Variants in NTHL1 observed in about 807,000 individuals in gnomAD.
NTHL1 encodes endonuclease III-like protein 1.
NTHL1 carries 32 observed loss-of-function variants against 32.3 expected under a neutral mutation model. The observed-to-expected ratio is 0.99, with a 90% CI of 0.75 to 1.33. The LOEUF is 1.33. Among genes scored for constraint, NTHL1 ranks in the 40% most tolerant of loss-of-function variants. The probability of loss-of-function intolerance (pLI) is 0.00; values close to 1 mark genes in which losing one functional copy is unlikely to be tolerated. For synonymous variants in NTHL1, 188 were observed against 176.9 expected (o/e 1.06, Z -0.50); for missense variants, 501 against 414.1 (o/e 1.21, Z -1.82).
At position 2,044,646 on chromosome 16, in the gene NTHL1, G is replaced by A. The variant is rs2084316397; in HGVS notation, c.509C>T (p.Pro170Leu). 1 of 1,606,660 alleles carries A rather than the reference G, an allele frequency of 6.2e-7. No homozygotes were observed. Among genetic ancestry groups the A allele is most frequent in the African/African-American group, 1.3e-5 (1 of 75,052 alleles). Reference sequence around the variant, plus strand: ...AGGGCTCACCCTCCAGAAACCGACGGGGTAGATGAGCTTGCCCAGCGTGGC... The same window carrying A: ...AGGGCTCACCCTCCAGAAACCGACGAGGTAGATGAGCTTGCCCAGCGTGGC... ...DDATLGKLIY[P>L]VGFWRSKVKY... Residue 170 changes from proline to leucine, a missense_variant, in exon 3 of 6, where the codon CCC (proline) becomes CTC (leucine). Physicochemically the swap from Pro to Leu is moderately conservative, Grantham distance 98. Coordinates refer to ENST00000651570, the MANE Select transcript of NTHL1 (RefSeq NM_002528.7). The surrounding 1 kb of genome is among the most constrained non-coding windows in gnomAD (Gnocchi z 5.0).
Position 2,040,203 on chromosome 16 carries a change from G to C in NTHL1, c.721C>G (p.Leu241Val). ...DTHVHRIANR[L>V]RWTKKATKSP... The stretch of plus-strand genomic sequence containing the variant: ...TTGGTTGCCTTCTTGGTCCACCTCA[G>C]CCTGTTGGCGATTCTGTGCACATGC... The change falls in exon 5 of 6, where the codon CTG (leucine) becomes GTG (valine). Residue 241 changes from leucine to valine, a missense_variant. Coordinates refer to ENST00000651570, the MANE Select transcript of NTHL1 (RefSeq NM_002528.7). 6.2e-7 allele frequency: 1 copy of C among 1,613,920 alleles called. No individual in the cohort carries two copies. The highest frequency in any genetic ancestry group is 8.5e-7 in the Non-Finnish European group (1 of 1,180,030).
intron 1 of NTHL1, 86 bp from the exon 2 acceptor site, chr16:2,046,452 C>T: frequency 1.6e-6 from 2 of 1,237,854 alleles, no homozygotes; most frequent in East Asian, 2.4e-5. Flanking sequence ...GCTCACCCCT[C>T]ACTCGTTCAT....
chr16:2,047,428 G>C (rs1435241121), intron 1 of NTHL1: 1 of 519,704 alleles, frequency 1.9e-6, no homozygotes, highest in Non-Finnish European at 3.4e-6. Context: ...ACAGAGCCTG[G>C]AGTGGAGAGT....
At position 2,046,259 on chromosome 16, in the gene NTHL1, T is replaced by G; in HGVS notation, c.223A>C (p.Lys75Gln). 6.2e-7 allele frequency: 1 copy of G among 1,613,278 alleles called. No homozygotes were observed. The highest frequency in any genetic ancestry group is 1.1e-5 in the South Asian group (1 of 91,086). ...TCCTGGGGCTCCCAGACTGGCACCTTGAGGGGCTCAGCCCCCTCACCTTTC... is the reference window on the plus strand; with the variant it reads ...TCCTGGGGCTCCCAGACTGGCACCTGGAGGGGCTCAGCCCCCTCACCTTTC... ...SEKGEGAEPL[K>Q]VPVWEPQDWQ... Residue 75 changes from lysine to glutamine, a missense_variant, in exon 2 of 6, where the codon AAG becomes CAG. Physicochemically the swap from Lys to Gln is moderately conservative, Grantham distance 53. Coordinates refer to ENST00000651570, the MANE Select transcript of NTHL1 (RefSeq NM_002528.7).
chr16:2,040,323 C>CGGGGGTGGTGGCAGA, intron 4 of NTHL1, 85 bp from the exon 5 acceptor site: 7 of 1,255,734 alleles, frequency 5.6e-6, no homozygotes, highest in Non-Finnish European at 6.9e-6. Flanking sequence ...GAGTCTGCCA[C>CGGGGGTGGTGGCAGA]CACCCCCGTG....
chr16:2,040,797 C>T (rs1445852327), intron 4 of NTHL1, among the ~76,000 whole-genome samples: 2 of 152,214 alleles, frequency 1.3e-5, no homozygotes, highest in African/African-American at 4.8e-5. Flanking sequence ...TCCATCCAGG[C>T]TTCCCTCTGT....
chr16:2,047,599 G>C (rs1390737587), intron 1 of NTHL1, 110 bp downstream of exon 1: 1 of 1,435,360 alleles, frequency 7.0e-7, no homozygotes, highest in South Asian at 1.4e-5. Flanking sequence ...GCGGCTGCCG[G>C]GTTTGCAGCC....
intron 1 of NTHL1, 143 bp from the exon 2 acceptor site, chr16:2,046,509 G>C: frequency 1.3e-6 from 1 of 742,274 alleles, no homozygotes; most frequent in East Asian, 2.7e-5. Context: ...TCTGCCCTCT[G>C]CAGTCTGGGG....
Position 2,046,241 on chromosome 16 carries a change from G to T in NTHL1, c.241C>A (p.Pro81Thr). ...AEPLKVPVWEPQDWQQQLVNI... is the reference protein window; with the variant it reads ...AEPLKVPVWETQDWQQQLVNI... ...ACCAGCTGTTGCTGCCAGTCCTGGG[G>T]CTCCCAGACTGGCACCTTGAGGGGC... The change falls in exon 2 of 6, where the codon CCC (proline) becomes ACC (threonine). Residue 81 changes from proline (P) to threonine (T), a missense_variant. Pro to Thr is a conservative substitution (Grantham distance 38, BLOSUM62 -1). Transcript: ENST00000651570. The T allele has an allele frequency of 6.2e-7, 1 of 1,613,232 alleles. No individual in the cohort carries two copies.
At position 2,044,883 on chromosome 16, in the gene NTHL1, A is replaced by T; in HGVS notation, c.355-83T>A. On this transcript the variant is annotated intron_variant, in intron 2 of 5. Coordinates refer to ENST00000651570, the MANE Select transcript of NTHL1 (RefSeq NM_002528.7). The surrounding 1 kb of genome is among the most constrained non-coding windows in gnomAD (Gnocchi z 5.0). ...AGGCTCCGCCCCCCGCCCTCGACAC[A>T]CCCTGGTTTGTTGCCCTGGGCCACA... The T allele has an allele frequency of 6.9e-7, 1 of 1,454,964 alleles. No individual in the cohort carries two copies. The highest frequency in any genetic ancestry group is 9.2e-7 in the Non-Finnish European group (1 of 1,088,388). The allele number at this position is 1,454,964 out of a possible 1,614,324, so 90.1% of individuals were successfully genotyped here.
In NTHL1 at chr16:2,044,514, C is replaced by T; in HGVS notation, c.525+116G>A. ...GCCTGGGGGGGGCTTCAGGGGGACC[C>T]CCCGAGCCTGAGATGCTTGACCCTC... On this transcript the variant is annotated intron_variant, in intron 3 of 5. Coordinates refer to ENST00000651570, the MANE Select transcript of NTHL1 (RefSeq NM_002528.7). This position sits in a 1 kb window ranked among gnomAD's most constrained non-coding sequence, Gnocchi z 5.0. 1 of 1,401,130 alleles carries T rather than the reference C, an allele frequency of 7.1e-7. No individual in the cohort carries two copies. The highest frequency in any genetic ancestry group is 9.9e-7 in the Non-Finnish European group (1 of 1,009,358). The allele number at this position is 1,401,130 out of a possible 1,614,324, so 86.8% of individuals were successfully genotyped here.
intron 4 of NTHL1, chr16:2,042,277 C>T (rs772284403): frequency 2.0e-5 from 7 of 356,610 alleles, no homozygotes; most frequent in East Asian, 8.0e-5. Context: ...CCCAGGGACA[C>T]GGGCAGCTGA....
rs1309506035 is a variant in NTHL1 at position 2,044,162 on chromosome 16, G to C, written c.526-436C>G. On this transcript the variant is annotated intron_variant, in intron 3 of 5. Coordinates refer to ENST00000651570, the MANE Select transcript of NTHL1 (RefSeq NM_002528.7). This position sits in a 1 kb window ranked among gnomAD's most constrained non-coding sequence, Gnocchi z 5.0. ...AGAGGGCTATTTAAAACCCATCTGA[G>C]AAACTGCGGCCCACGCGGGTGCCAA... is the stretch of plus-strand genomic sequence containing the variant. The C allele has an allele frequency of 1.2e-5, 4 of 325,158 alleles. No homozygotes were observed. Among genetic ancestry groups the C allele is most frequent in the African/African-American group, 4.2e-5 (2 of 47,172 alleles). The allele number at this position is 325,158 out of a possible 1,614,324, so 20.1% of individuals were successfully genotyped here. A position where few individuals can be genotyped will look rare whatever the true frequency, so the allele number is the denominator to read the frequency against.
At chr16:2,040,259 G>C (rs778722361) in intron 4 of NTHL1, 21 bp from the exon 5 acceptor site, 64 of 1,605,914 alleles carry the variant, frequency 4.0e-5, no homozygotes, top group Middle Eastern at 3.3e-4. Flanking sequence ...GCCAAGCGGG[G>C]TGAACAGGGG....
In NTHL1 at chr16:2,043,308, C is replaced by T. The variant is rs914861758; in HGVS notation, c.685+259G>A. Among the ~76,000 whole-genome samples the T allele has an allele frequency of 6.6e-6, 1 of 152,076 alleles. No homozygotes were observed. Among genetic ancestry groups the T allele is most frequent in the African/African-American group, 2.4e-5 (1 of 41,422 alleles). ...GGAATTCCTCGCTCCACATTTCTCC[C>T]GAATACAACGCAGATGGAGTCCAGC... On this transcript the variant is annotated intron_variant, in intron 4 of 5. Transcript: ENST00000651570. The surrounding 1 kb of genome is among the most constrained non-coding windows in gnomAD (Gnocchi z 4.4).
chr16:2,044,013 C>T lies in NTHL1; in HGVS notation c.526-287G>A. 2.1e-6 allele frequency: 1 copy of T among 487,694 alleles called. No homozygotes were observed. Among genetic ancestry groups the T allele is most frequent in the Non-Finnish European group, 3.8e-6 (1 of 264,834 alleles). The allele number at this position is 487,694 out of a possible 1,614,324, so 30.2% of individuals were successfully genotyped here. A position where few individuals can be genotyped will look rare whatever the true frequency, so the allele number is the denominator to read the frequency against. On this transcript the variant is annotated intron_variant, in intron 3 of 5. Transcript: ENST00000651570. This position sits in a 1 kb window ranked among gnomAD's most constrained non-coding sequence, Gnocchi z 5.0. Reference sequence around the variant, plus strand: ...CTGCCAGCACCCAGGCCAGGCCAAGCAGGCCAGCCGCTCCCAGGAGTGGGG... The same window carrying T: ...CTGCCAGCACCCAGGCCAGGCCAAGTAGGCCAGCCGCTCCCAGGAGTGGGG...
At position 2,044,551 on chromosome 16, in the gene NTHL1, C is replaced by T. The variant is rs1407118313; in HGVS notation, c.525+79G>A. The stretch of plus-strand genomic sequence containing the variant: ...GATGCTTGACCCTCACTTCCTGCAC[C>T]GTCGCCACCCCCCTCAGCCTTCTGA... On this transcript the variant is annotated intron_variant, in intron 3 of 5. Coordinates refer to ENST00000651570, the MANE Select transcript of NTHL1 (RefSeq NM_002528.7). The surrounding 1 kb of genome is among the most constrained non-coding windows in gnomAD (Gnocchi z 5.0). 14 of 1,572,078 alleles carry T rather than the reference C, an allele frequency of 8.9e-6. No individual in the cohort carries two copies. Among genetic ancestry groups the T allele is most frequent in the Non-Finnish European group, 1.1e-5 (13 of 1,158,252 alleles).
In NTHL1 at chr16:2,044,683, G is replaced by A. The variant is rs1198246754; in HGVS notation, c.472C>T (p.Gln158Ter). Residue 158 changes from glutamine to a stop codon, truncating the protein, a stop_gained, in exon 3 of 6, where the codon CAG (glutamine) becomes TAG (stop). Coordinates refer to ENST00000651570, the MANE Select transcript of NTHL1 (RefSeq NM_002528.7). LOFTEE classifies it high-confidence loss of function. The surrounding 1 kb of genome is among the most constrained non-coding windows in gnomAD (Gnocchi z 5.0). ...TTGCCCAGCGTGGCATCATCTGTCTGCAGGATGCTGTCCACCGTCAGGCCC... is the reference window on the plus strand; with the variant it reads ...TTGCCCAGCGTGGCATCATCTGTCTACAGGATGCTGTCCACCGTCAGGCCC... Reference protein sequence around the residue: ...ARGLTVDSILQTDDATLGKLI... With the variant: ...ARGLTVDSIL 6.2e-7 allele frequency: 1 copy of A among 1,611,618 alleles called. No individual in the cohort carries two copies. The highest frequency in any genetic ancestry group is 1.3e-5 in the African/African-American group (1 of 74,950).
chr16:2,041,908 A>T, intron 4 of NTHL1: 2 of 390,694 alleles, frequency 5.1e-6, no homozygotes, highest in Admixed American at 3.0e-5. Context: ...ACGCCTGGCC[A>T]CACCCGGCTA....
Sources: allele counts gnomAD v4.1 joint callset (sites outside exome capture counted in the v4.1 genomes callset), GRCh38; gene constraint gnomAD v4.1.1; non-coding constraint Gnocchi (gnomAD v3.1); transcripts MANE v1.5; gene names NCBI Gene and HGNC (gene_info 2026-07-23, HGNC 2026-07-21).